Variants in NFKBIL1 observed in about 807,000 individuals in gnomAD.
The protein encoded by NFKBIL1 is NF-kappa-B inhibitor-like protein 1.
NFKBIL1 carries 30 observed loss-of-function variants against 45.4 expected under a neutral mutation model. The observed-to-expected ratio is 0.66, with a 90% CI of 0.49 to 0.90. The LOEUF (loss-of-function observed/expected upper bound fraction) is 0.90. Among genes scored for constraint, NFKBIL1 ranks in the 40% least tolerant of loss-of-function variants. NFKBIL1 has a pLI of 0.00. For missense variants in NFKBIL1, 434 were observed against 513.4 expected, an observed-to-expected ratio of 0.85 and a Z score of 1.49; for synonymous variants, 179 against 197.3, an observed-to-expected ratio of 0.91 and a Z score of 0.78.
intron 2 of NFKBIL1, chr6:31,556,555 G>A (rs1769748898): frequency 5.5e-6 from 2 of 364,670 alleles, no homozygotes; most frequent in Non-Finnish European, 1.2e-5. Flanking sequence ...AAGTAGCATG[G>A]CACTCAGCTA....
rs191167078 is a variant in NFKBIL1, at chr6:31,555,455, C to T, written c.335-2173C>T. On this transcript the variant is annotated intron_variant, in intron 2 of 3. Transcript: ENST00000376148. ...ATTTCACCATGTTGGCCAGGCTGGT[C>T]TCGAACTCCTGACCTCAGGTGATCC... Among the ~76,000 whole-genome samples, 1,237 of 149,398 alleles carry T rather than the reference C, an allele frequency of 8.3e-3. 12 individuals are homozygous for T. Among genetic ancestry groups the T allele is most frequent in the Middle Eastern group, 0.033 (9 of 276 alleles).
At position 31,557,859 on chromosome 6, in the gene NFKBIL1, C is replaced by T. The variant is rs201778120; in HGVS notation, c.556+10C>T. 2 of 1,569,732 alleles carry T rather than the reference C, an allele frequency of 1.3e-6. No individual in the cohort carries two copies. Among genetic ancestry groups the T allele is most frequent in the East Asian group, 4.5e-5 (2 of 44,300 alleles). ...ATGGGGAGGTTTGAAGGTGAGAAGT[C>T]CACTGCTATCCACAGCTGCCCTTCC... On this transcript the variant is annotated intron_variant, in intron 3 of 3. Transcript: ENST00000376148. The surrounding 1 kb of genome is among the most constrained non-coding windows in gnomAD (Gnocchi z 5.4).
rs764048263 is a variant in NFKBIL1 at position 31,547,647 on chromosome 6, C to A, written c.-48C>A. ...GTCTCCGAGCTTCTTAAACACAGGC[C>A]TTGGGCCTACGGCTCTGGGGGTACT... On this transcript the variant is annotated 5_prime_UTR_variant, in exon 1 of 4. Transcript: ENST00000376148. The A allele has an allele frequency of 1.4e-6, 2 of 1,439,046 alleles. No homozygotes were observed. The highest frequency in any genetic ancestry group is 1.9e-6 in the Non-Finnish European group (2 of 1,034,386). 89.1% of individuals were successfully genotyped at this position (1,439,046 alleles called of 1,614,324 possible).
rs139945977 is a variant in NFKBIL1, at chr6:31,548,708, C to T, written c.334+269C>T. On this transcript the variant is annotated intron_variant, in intron 2 of 3. Coordinates refer to ENST00000376148, the MANE Select transcript of NFKBIL1 (RefSeq NM_005007.4). ...TTTGTTTCTTGACAGATTGTTTGCT[C>T]GTAGCCAAAAAGTAGCATAGAAGGT... is the stretch of plus-strand genomic sequence containing the variant. Among the ~76,000 whole-genome samples, 226 of 152,264 alleles carry T rather than the reference C, an allele frequency of 1.5e-3. 2 individuals carry two copies. The highest frequency in any genetic ancestry group is 3.4e-3 in the Middle Eastern group (1 of 294).
chr6:31,553,750 G>T (rs1180643902), intron 2 of NFKBIL1, among the ~76,000 whole-genome samples: 2 of 152,222 alleles, frequency 1.3e-5, no homozygotes, highest in East Asian at 3.9e-4. Flanking sequence ...TGCAACCTCT[G>T]CCTCCCGGGT....
Position 31,558,005 on chromosome 6 carries a change from C to T in NFKBIL1, c.557-17C>T. ...ACAGCCTCTCTCCAACTACCCCCAT[C>T]CCACCCTCCCAAACAGGTGATGCCT... On this transcript the variant is annotated splice_polypyrimidine_tract_variant and intron_variant, in intron 3 of 3. Coordinates refer to ENST00000376148, the MANE Select transcript of NFKBIL1 (RefSeq NM_005007.4). The surrounding 1 kb of genome is among the most constrained non-coding windows in gnomAD (Gnocchi z 7.2). 3 of 710,006 alleles carry T rather than the reference C, an allele frequency of 4.2e-6. No individual in the cohort carries two copies. Among genetic ancestry groups the T allele is most frequent in the Admixed American group, 2.1e-5 (1 of 47,812 alleles). The allele number at this position is 710,006 out of a possible 1,614,324, so 44.0% of individuals were successfully genotyped here.
Position 31,557,989 on chromosome 6 carries a change from C to T in NFKBIL1, c.557-33C>T, listed in dbSNP as rs1215304105. ...GGCCCATCACCTTCTCACAGCCTCTCTCCAACTACCCCCATCCCACCCTCC... is the reference window on the plus strand; with the variant it reads ...GGCCCATCACCTTCTCACAGCCTCTTTCCAACTACCCCCATCCCACCCTCC... On this transcript the variant is annotated intron_variant, in intron 3 of 3. Coordinates refer to ENST00000376148, the MANE Select transcript of NFKBIL1 (RefSeq NM_005007.4). This position sits in a 1 kb window ranked among gnomAD's most constrained non-coding sequence, Gnocchi z 5.4. 1 of 1,523,756 alleles carries T rather than the reference C, an allele frequency of 6.6e-7. No individual in the cohort carries two copies. Among genetic ancestry groups the T allele is most frequent in the South Asian group, 1.3e-5 (1 of 78,824 alleles). 94.4% of individuals were successfully genotyped at this position (1,523,756 alleles called of 1,614,324 possible). A position where few individuals can be genotyped will look rare whatever the true frequency, so the allele number is the denominator to read the frequency against.
In NFKBIL1 at chr6:31,558,331, C is replaced by T. The variant is rs767687704; in HGVS notation, c.866C>T (p.Ala289Val). The change falls in exon 4 of 4, where the codon GCG (alanine) becomes GTG (valine). Residue 289 changes from alanine (A) to valine (V), a missense_variant. This residue lies in a region of NFKBIL1 where 128 missense variants were observed against 106.5 expected (regional missense o/e 1.20). Coordinates refer to ENST00000376148, the MANE Select transcript of NFKBIL1 (RefSeq NM_005007.4). The surrounding 1 kb of genome is among the most constrained non-coding windows in gnomAD (Gnocchi z 7.2). ...AGPREEHPRG[A>V]GRGSLWRFGD... ...CCCAGGGAAGAGCACCCCAGAGGAGCGGGGAGGGGCAGCCTCTGGCGATTT... is the reference window on the plus strand; with the variant it reads ...CCCAGGGAAGAGCACCCCAGAGGAGTGGGGAGGGGCAGCCTCTGGCGATTT... The T allele has an allele frequency of 5.8e-6, 9 of 1,562,242 alleles. No homozygotes were observed. The highest frequency in any genetic ancestry group is 4.6e-5 in the East Asian group (2 of 43,382).
At position 31,557,203 on chromosome 6, in the gene NFKBIL1, G is replaced by C. The variant is rs980902324; in HGVS notation, c.335-425G>C. 1.3e-5 allele frequency among the ~76,000 whole-genome samples: 2 copies of C among 151,286 alleles called. No homozygotes were observed. Among genetic ancestry groups the C allele is most frequent in the African/African-American group, 4.9e-5 (2 of 40,996 alleles). On this transcript the variant is annotated intron_variant, in intron 2 of 3. Coordinates refer to ENST00000376148, the MANE Select transcript of NFKBIL1 (RefSeq NM_005007.4). The surrounding 1 kb of genome is among the most constrained non-coding windows in gnomAD (Gnocchi z 5.4). ...GCTTACTACAAGCTCCACCTCCCGGGTTCACATCATTCTCCTGCCTCAGCC... is the reference window on the plus strand; with the variant it reads ...GCTTACTACAAGCTCCACCTCCCGGCTTCACATCATTCTCCTGCCTCAGCC...
chr6:31,548,107 G>A (rs767212343), intron 1 of NFKBIL1, 56 bp from the exon 2 acceptor site: 97 of 1,609,202 alleles, frequency 6.0e-5, no homozygotes, highest in Admixed American at 1.0e-4. Flanking sequence ...CAGAGATGGA[G>A]GGAGAAGGAC....
chr6:31,547,708 C>G lies in NFKBIL1; in HGVS notation c.14C>G (p.Ser5Cys). MSNPSPQVPEEEAST... is the reference protein window; with the variant it reads MSNPCPQVPEEEAST... ...GGGGCAGGTCTGATGAGTAACCCCT[C>G]CCCCCAGGTTCCAGAGGAAGAAGCC... The change falls in exon 1 of 4, where the codon TCC becomes TGC. Residue 5 changes from serine to cysteine, a missense_variant. Ser to Cys is a moderately radical substitution (Grantham distance 112). This residue lies in a region of NFKBIL1 where 231 missense variants were observed against 264.1 expected (regional missense o/e 0.87). Coordinates refer to ENST00000376148, the MANE Select transcript of NFKBIL1 (RefSeq NM_005007.4). 6.2e-7 allele frequency: 1 copy of G among 1,610,010 alleles called. No homozygotes were observed. The highest frequency in any genetic ancestry group is 8.5e-7 in the Non-Finnish European group (1 of 1,177,792).
chr6:31,554,465 A>G (rs1437957977), intron 2 of NFKBIL1, among the ~76,000 whole-genome samples: 3 of 152,188 alleles, frequency 2.0e-5, no homozygotes, highest in Non-Finnish European at 4.4e-5. Flanking sequence ...TGTTTGCAAT[A>G]TGTATAACAC....
Position 31,558,367 on chromosome 6 carries a change from C to T in NFKBIL1, c.902C>T (p.Pro301Leu). 1 of 1,553,872 alleles carries T rather than the reference C, an allele frequency of 6.4e-7. No homozygotes were observed. Among genetic ancestry groups the T allele is most frequent in the Admixed American group, 1.9e-5 (1 of 51,452 alleles). Residue 301 changes from proline to leucine, a missense_variant, in exon 4 of 4, where the codon CCC becomes CTC. This residue lies in a region of NFKBIL1 where 128 missense variants were observed against 106.5 expected (regional missense o/e 1.20). Coordinates refer to ENST00000376148, the MANE Select transcript of NFKBIL1 (RefSeq NM_005007.4). The surrounding 1 kb of genome is among the most constrained non-coding windows in gnomAD (Gnocchi z 7.2). ...RGSLWRFGDV[P>L]WPCPGGGDPE... is the part of the protein sequence containing the mutation. ...AGCCTCTGGCGATTTGGTGATGTGC[C>T]CTGGCCCTGCCCTGGGGGAGGGGAC... is the stretch of plus-strand genomic sequence containing the variant.
chr6:31,554,605 T>C (rs894276516), intron 2 of NFKBIL1, among the ~76,000 whole-genome samples: 5 of 152,078 alleles, frequency 3.3e-5, no homozygotes, highest in African/African-American at 1.2e-4. Context: ...ACATTGTTAA[T>C]AAAATAATTT....
rs200454925 is a variant in NFKBIL1, at chr6:31,557,636, G to A, written c.343G>A (p.Asp115Asn). 232 of 1,529,574 alleles carry A rather than the reference G, an allele frequency of 1.5e-4. No homozygotes were observed. Among genetic ancestry groups the A allele is most frequent in the Middle Eastern group, 1.9e-4 (1 of 5,258 alleles). 94.8% of individuals were successfully genotyped at this position (1,529,574 alleles called of 1,614,324 possible). ...TGCTCTCCCACCAACAGCCTACACC[G>A]ATTTCTTCCTCCCGCTGCTAAGCCG... ...AARQGPDAYT[D>N]FFLPLLSRCP... The change falls in exon 3 of 4, where the codon GAT becomes AAT. Residue 115 changes from aspartate to asparagine, a missense_variant. By Grantham distance (23) the Asp-to-Asn change is conservative. Transcript: ENST00000376148. The surrounding 1 kb of genome is among the most constrained non-coding windows in gnomAD (Gnocchi z 5.4).
chr6:31,556,851 A>G (rs1562454914), intron 2 of NFKBIL1: 1 of 437,666 alleles, frequency 2.3e-6, no homozygotes, highest in East Asian at 7.2e-5. Flanking sequence ...AAGTGATAAT[A>G]AAAGATAAGT....
Position 31,547,663 on chromosome 6 carries a change from TG to T in NFKBIL1, c.-27del. On this transcript the variant is annotated 5_prime_UTR_variant, in exon 1 of 4. Transcript: ENST00000376148. ...AACACAGGCCTTGGGCCTACGGCTCTGGGGGTACTTGGGGGGGCGGGGGCAG... is the reference window on the plus strand; with the variant it reads ...AACACAGGCCTTGGGCCTACGGCTCTGGGGTACTTGGGGGGGCGGGGGCAG... The T allele has an allele frequency of 1.3e-6, 2 of 1,540,140 alleles. No homozygotes were observed. Among genetic ancestry groups the T allele is most frequent in the East Asian group, 4.5e-5 (2 of 44,326 alleles).
chr6:31,547,608 C>T lies in NFKBIL1; in HGVS notation c.-87C>T, dbSNP rs961924616. 1 of 897,866 alleles carries T rather than the reference C, an allele frequency of 1.1e-6. No individual in the cohort carries two copies. Among genetic ancestry groups the T allele is most frequent in the Non-Finnish European group, 1.7e-6 (1 of 585,802 alleles). The allele number at this position is 897,866 out of a possible 1,614,324, so 55.6% of individuals were successfully genotyped here. A position where few individuals can be genotyped will look rare whatever the true frequency, so the allele number is the denominator to read the frequency against. ...TTCCTCCAGCCTGGAGTGTCTCCGC[C>T]CTTCCCGCCTCCCGTCTCCGAGCTT... is the stretch of plus-strand genomic sequence containing the variant. On this transcript the variant is annotated 5_prime_UTR_variant, in exon 1 of 4. Coordinates refer to ENST00000376148, the MANE Select transcript of NFKBIL1 (RefSeq NM_005007.4).
Position 31,557,862 on chromosome 6 carries a change from C to T in NFKBIL1, c.556+13C>T. 1 of 1,572,410 alleles carries T rather than the reference C, an allele frequency of 6.4e-7. No homozygotes were observed. The highest frequency in any genetic ancestry group is 8.7e-7 in the Non-Finnish European group (1 of 1,154,036). ...GGGAGGTTTGAAGGTGAGAAGTCCA[C>T]TGCTATCCACAGCTGCCCTTCCCCA... On this transcript the variant is annotated intron_variant, in intron 3 of 3. Coordinates refer to ENST00000376148, the MANE Select transcript of NFKBIL1 (RefSeq NM_005007.4). This position sits in a 1 kb window ranked among gnomAD's most constrained non-coding sequence, Gnocchi z 5.4.
Sources: gnomAD v4.1 joint callset for allele counts (sites outside exome capture counted in the v4.1 genomes callset) on GRCh38, gnomAD v4.1.1 for gene constraint, gnomAD v4.1.1 regional missense constraint, Gnocchi (gnomAD v3.1) non-coding constraint, MANE v1.5 for transcripts, NCBI Gene and HGNC (gene_info 2026-07-23, HGNC 2026-07-21) for gene names.